FRRS1L: variants seen among roughly 807,000 people sequenced by gnomAD.
FRRS1L encodes DOMON domain-containing protein FRRS1L.
A neutral mutation model predicts 28.6 loss-of-function variants in FRRS1L; 22 were observed. The observed-to-expected ratio is 0.77, with a 90% CI of 0.55 to 1.10. The LOEUF (loss-of-function observed/expected upper bound fraction) is 1.10, where lower values mean the gene tolerates loss of function less well. Among genes scored for constraint, FRRS1L ranks in the 50% least tolerant of loss-of-function variants. The pLI is 0.00. For synonymous variants in FRRS1L, 158 were observed against 151.4 expected (o/e 1.04, Z -0.32); for missense variants, 380 against 386.9 (o/e 0.98, Z 0.15).
At chr9:109,165,960 T>C (rs62576373) in intron 1 of FRRS1L, among the ~76,000 whole-genome samples, 6,669 of 152,310 alleles carry the variant, frequency 0.044, 246 homozygotes, top group South Asian at 0.12. Flanking sequence ...GGATTACCTA[T>C]TTCTAGTTTT....
intron 1 of FRRS1L, 71 bp from the exon 2 acceptor site, chr9:109,149,791 T>C (rs951080605): frequency 9.5e-7 from 1 of 1,056,386 alleles, no homozygotes; most frequent in Non-Finnish European, 1.4e-6. Context: ...TTTAAAAATG[T>C]GTTGACTGTT....
chr9:109,149,176 C>T (rs1397029511), intron 2 of FRRS1L, among the ~76,000 whole-genome samples: 2 of 152,194 alleles, frequency 1.3e-5, no homozygotes, highest in African/African-American at 4.8e-5. Context: ...AGAGACTCAC[C>T]ATGCCTGAGA....
chr9:109,134,223 GCTGAGTAC>G lies in FRRS1L; in HGVS notation c.*3224_*3231del, dbSNP rs1174154522. 1 of 152,164 alleles carries G rather than the reference GCTGAGTAC, an allele frequency of 6.6e-6. No homozygotes were observed. Among genetic ancestry groups the G allele is most frequent in the Non-Finnish European group, 1.5e-5 (1 of 68,026 alleles). 9.4% of individuals were successfully genotyped at this position (152,164 alleles called of 1,614,324 possible). A position where few individuals can be genotyped will look rare whatever the true frequency, so the allele number is the denominator to read the frequency against. On this transcript the variant is annotated 3_prime_UTR_variant, in exon 5 of 5. Coordinates refer to ENST00000561981, the MANE Select transcript of FRRS1L (RefSeq NM_014334.4). The stretch of plus-strand genomic sequence containing the variant: ...ATATAGATTCATTCCACAAATGTTT[GCTGAGTAC>G]CTGATATGGATAAATATCTGCTACA...
At position 109,130,950 on chromosome 9, in the gene FRRS1L, CATT is replaced by C. The variant is rs1392113062; in HGVS notation, c.*6502_*6504del. ...CAAATATCCAGGGGAAAACTGAACACATTAATCAAGCAGCAGTGTGTTTTATGT... is the reference window on the plus strand; with the variant it reads ...CAAATATCCAGGGGAAAACTGAACACAATCAAGCAGCAGTGTGTTTTATGT... On this transcript the variant is annotated 3_prime_UTR_variant, in exon 5 of 5. Transcript: ENST00000561981. The C allele has an allele frequency of 2.6e-5, 4 of 152,200 alleles. No individual in the cohort carries two copies. The highest frequency in any genetic ancestry group is 9.6e-5 in the African/African-American group (4 of 41,452). The allele number at this position is 152,200 out of a possible 1,614,324, so 9.4% of individuals were successfully genotyped here. A position where few individuals can be genotyped will look rare whatever the true frequency, so the allele number is the denominator to read the frequency against.
intron 3 of FRRS1L, among the ~76,000 whole-genome samples, chr9:109,144,332 C>T (rs1047162710): frequency 6.6e-6 from 1 of 152,174 alleles, no homozygotes; most frequent in African/African-American, 2.4e-5. Context: ...ACACCTACAA[C>T]CCATATATCC....
At position 109,147,183 on chromosome 9, in the gene FRRS1L, G is replaced by A. The variant is rs367548361; in HGVS notation, c.330C>T (p.Gly110=). ...CGKTKGCFRY[G]KPGCNAETCD... ...AGGTCTCTGCATTACAGCCTGGTTT[G>A]CCATATCTAGAAGAGATATCGAAAG... The change falls in exon 3 of 5, where the codon GGC becomes GGT. Residue 110 remains glycine (G), a synonymous_variant. Coordinates refer to ENST00000561981, the MANE Select transcript of FRRS1L (RefSeq NM_014334.4). 3.7e-6 allele frequency: 6 copies of A among 1,612,892 alleles called. No homozygotes were observed. In the African/African-American group the frequency reaches 8.0e-5, roughly 22 times the overall value.
At position 109,137,200 on chromosome 9, in the gene FRRS1L, G is replaced by A. The variant is rs962805249; in HGVS notation, c.*255C>T. 16 of 224,608 alleles carry A rather than the reference G, an allele frequency of 7.1e-5. No homozygotes were observed. Among genetic ancestry groups the A allele is most frequent in the Non-Finnish European group, 1.2e-4 (14 of 115,540 alleles). The allele number at this position is 224,608 out of a possible 1,614,324, so 13.9% of individuals were successfully genotyped here. A position where few individuals can be genotyped will look rare whatever the true frequency, so the allele number is the denominator to read the frequency against. On this transcript the variant is annotated 3_prime_UTR_variant, in exon 5 of 5. Transcript: ENST00000561981. ...ATTTTCATCAATCCAACTCAGAGATGTTGTGAAGTTAAATAAGAAAACATA... is the reference window on the plus strand; with the variant it reads ...ATTTTCATCAATCCAACTCAGAGATATTGTGAAGTTAAATAAGAAAACATA...
intron 1 of FRRS1L, chr9:109,150,567 A>G (rs1277876131): frequency 6.6e-6 from 1 of 152,192 alleles, no homozygotes; most frequent in Non-Finnish European, 1.5e-5. Flanking sequence ...TATCTTTCTT[A>G]TAAGATTACT....
intron 1 of FRRS1L, among the ~76,000 whole-genome samples, chr9:109,154,323 G>T (rs982816694): frequency 6.6e-6 from 1 of 152,110 alleles, no homozygotes; most frequent in Non-Finnish European, 1.5e-5. Context: ...CTCCAGTCCC[G>T]CAACTTCTTG....
intron 1 of FRRS1L, among the ~76,000 whole-genome samples, chr9:109,154,485 C>T (rs1205094379): frequency 6.6e-6 from 1 of 152,068 alleles, no homozygotes. Flanking sequence ...AGTACTTATC[C>T]GAAGGCTAGA....
Position 109,141,512 on chromosome 9 carries a change from C to A in FRRS1L, c.540G>T (p.Gln180His). The change falls in exon 4 of 5, where the codon CAG becomes CAT. Residue 180 changes from glutamine to histidine, a missense_variant. Gln to His is a conservative substitution (Grantham distance 24, BLOSUM62 0). Transcript: ENST00000561981. ...VRIQHFYNVG[Q>H]WAKEIQRNPA... ...GGTTTCTCTGAATCTCCTTTGCCCA[C>A]TGGCCTACATTATAGAAGTGCTGTA... 1 of 1,614,126 alleles carries A rather than the reference C, an allele frequency of 6.2e-7. No homozygotes were observed. Among genetic ancestry groups the A allele is most frequent in the East Asian group, 2.2e-5 (1 of 44,880 alleles).
rs1831112500 is a variant in FRRS1L at position 109,136,478 on chromosome 9, A to G, written c.*977T>C. On this transcript the variant is annotated 3_prime_UTR_variant, in exon 5 of 5. Coordinates refer to ENST00000561981, the MANE Select transcript of FRRS1L (RefSeq NM_014334.4). ...AATAGCAGTAAAAATGTTTTCCCAT[A>G]GCTGCTCTCTAACTGAGAAGAAATT... The G allele has an allele frequency of 6.6e-6, 1 of 151,676 alleles. No individual in the cohort carries two copies. Among genetic ancestry groups the G allele is most frequent in the Non-Finnish European group, 1.5e-5 (1 of 67,982 alleles). 9.4% of individuals were successfully genotyped at this position (151,676 alleles called of 1,614,324 possible).
At chr9:109,160,378 G>T (rs1288603229) in intron 1 of FRRS1L, among the ~76,000 whole-genome samples, 1 of 151,886 alleles carries the variant, frequency 6.6e-6, no homozygotes. Flanking sequence ...CCCCAACCTG[G>T]CACATTTACT....
At chr9:109,164,670 A>G (rs1441805147) in intron 1 of FRRS1L, among the ~76,000 whole-genome samples, 5 of 152,214 alleles carry the variant, frequency 3.3e-5, no homozygotes, top group African/African-American at 1.2e-4. Context: ...TGCTGGGATT[A>G]CAGTCGTGAA....
intron 1 of FRRS1L, among the ~76,000 whole-genome samples, chr9:109,164,623 C>T (rs897836837): frequency 5.9e-5 from 9 of 151,818 alleles, no homozygotes; most frequent in African/African-American, 1.9e-4. Context: ...GTCTCGAACT[C>T]CTGACCTCCT....
chr9:109,141,307 C>T (rs1477995178), intron 4 of FRRS1L, 36 bp downstream of exon 4: 12 of 1,610,850 alleles, frequency 7.4e-6, no homozygotes, highest in Non-Finnish European at 1.0e-5. Context: ...ACAGTGGTGT[C>T]TGGCGTTTAA....
At chr9:109,160,092 T>A (rs1438779176) in intron 1 of FRRS1L, among the ~76,000 whole-genome samples, 1 of 152,202 alleles carries the variant, frequency 6.6e-6, no homozygotes, top group Non-Finnish European at 1.5e-5. Context: ...ATCTTTATTA[T>A]TTTGTTATTT....
At position 109,131,185 on chromosome 9, in the gene FRRS1L, A is replaced by G. The variant is rs577561987; in HGVS notation, c.*6270T>C. On this transcript the variant is annotated 3_prime_UTR_variant, in exon 5 of 5. Transcript: ENST00000561981. The stretch of plus-strand genomic sequence containing the variant: ...GAACCTAATTAAATACAAAACCTGT[A>G]TAGGTTGCATCAACATGCCAGTTAC... 5 of 152,390 alleles carry G rather than the reference A, an allele frequency of 3.3e-5. No homozygotes were observed. In the South Asian group the frequency reaches 1.0e-3, roughly 32 times the overall value. 9.4% of individuals were successfully genotyped at this position (152,390 alleles called of 1,614,324 possible).
intron 1 of FRRS1L, 160 bp from the exon 2 acceptor site, chr9:109,149,880 A>T: frequency 1.6e-6 from 1 of 612,610 alleles, no homozygotes; most frequent in East Asian, 2.8e-5. Context: ...TTCATGGGGG[A>T]GGGTGTAGGA....
Sources: allele counts gnomAD v4.1 joint callset (sites outside exome capture counted in the v4.1 genomes callset), GRCh38; gene constraint gnomAD v4.1.1; transcripts MANE v1.5; gene names NCBI Gene and HGNC (gene_info 2026-07-23, HGNC 2026-07-21).